Variants in KSR2 observed in about 807,000 individuals in gnomAD.
KSR2 encodes kinase suppressor of ras 2.
In KSR2, 25 loss-of-function variants were observed where a neutral mutation model predicts 107.8. The observed-to-expected ratio is 0.23, with a 90% CI of 0.17 to 0.32. The LOEUF is 0.32. Among genes scored for constraint, KSR2 ranks in the 10% least tolerant of loss-of-function variants. KSR2 has a pLI of 1.00. For missense variants in KSR2, 887 were observed against 1,268.9 expected, an observed-to-expected ratio of 0.70 and a Z score of 4.57; for synonymous variants, 480 against 507.0, an observed-to-expected ratio of 0.95 and a Z score of 0.71.
At chr12:117,551,341 C>T (rs552817064) in intron 9 of KSR2, among the ~76,000 whole-genome samples, 9 of 152,164 alleles carry the variant, frequency 5.9e-5, no homozygotes, top group Admixed American at 3.9e-4. Context: ...TCTCTGTCTT[C>T]TTCATCATCA....
intron 3 of KSR2, among the ~76,000 whole-genome samples, chr12:117,778,758 G>A (rs1427010591): frequency 6.6e-6 from 1 of 152,188 alleles, no homozygotes; most frequent in Non-Finnish European, 1.5e-5. Context: ...GCTTGCACAA[G>A]AGAGTCCACA....
At chr12:117,899,196 A>C (rs1894607124) in intron 1 of KSR2, among the ~76,000 whole-genome samples, 1 of 152,188 alleles carries the variant, frequency 6.6e-6, no homozygotes, top group South Asian at 2.1e-4. Flanking sequence ...ATAAAGGCCT[A>C]TGACAAGTTA....
At chr12:117,658,805 C>T (rs530086945) in intron 5 of KSR2, among the ~76,000 whole-genome samples, 5 of 152,184 alleles carry the variant, frequency 3.3e-5, no homozygotes, top group Admixed American at 1.3e-4. Context: ...CCCCCTGCAG[C>T]GCTACCACTT....
At chr12:117,663,225 A>G (rs1884513955) in intron 5 of KSR2, among the ~76,000 whole-genome samples, 1 of 152,230 alleles carries the variant, frequency 6.6e-6, no homozygotes, top group Non-Finnish European at 1.5e-5. Context: ...CAATTTCACA[A>G]CCGAGCACTG....
At chr12:117,515,663 C>T (rs1037518446) in intron 14 of KSR2, among the ~76,000 whole-genome samples, 2 of 152,198 alleles carry the variant, frequency 1.3e-5, no homozygotes, top group East Asian at 1.9e-4. Flanking sequence ...CGGTGGCTCA[C>T]GCCTGTAATC....
At chr12:117,717,955 A>G (rs535145320) in intron 4 of KSR2, among the ~76,000 whole-genome samples, 1 of 152,320 alleles carries the variant, frequency 6.6e-6, no homozygotes, top group South Asian at 2.1e-4. Context: ...GAGAAAGCAA[A>G]GCTACCAAGG....
intron 5 of KSR2, among the ~76,000 whole-genome samples, chr12:117,663,930 T>G (rs2136473220): frequency 6.6e-6 from 1 of 152,260 alleles, no homozygotes; most frequent in South Asian, 2.1e-4. Flanking sequence ...CCCACCCAAA[T>G]GCAACACAGA....
intron 5 of KSR2, among the ~76,000 whole-genome samples, chr12:117,654,234 A>T (rs773720525): frequency 6.6e-6 from 1 of 152,228 alleles, no homozygotes; most frequent in Non-Finnish European, 1.5e-5. Flanking sequence ...GCAGCATTTC[A>T]TCATCAAATG....
rs539392601 is a variant in KSR2, at chr12:117,615,201, T to C, written c.1172-32842A>G. On this transcript the variant is annotated intron_variant, in intron 5 of 19. Coordinates refer to ENST00000339824, the MANE Select transcript of KSR2 (RefSeq NM_173598.6). Reference sequence around the variant, plus strand: ...CAGAGTCCTGAGGAAGCATGTTCCCTTCTCTCTTCAGTTACACACACACAC... The same window carrying C: ...CAGAGTCCTGAGGAAGCATGTTCCCCTCTCTCTTCAGTTACACACACACAC... 1.4e-4 allele frequency among the ~76,000 whole-genome samples: 21 copies of C among 149,654 alleles called. No homozygotes were observed. In the South Asian group the frequency reaches 4.5e-3, roughly 32 times the overall value.
intron 1 of KSR2, among the ~76,000 whole-genome samples, chr12:117,902,333 C>A (rs1894710590): frequency 6.6e-6 from 1 of 151,698 alleles, no homozygotes; most frequent in Admixed American, 6.6e-5. Flanking sequence ...TGGCGCGTGT[C>A]AATAATCCCA....
chr12:117,593,218 C>G (rs997525253), intron 5 of KSR2, among the ~76,000 whole-genome samples: 8 of 152,172 alleles, frequency 5.3e-5, no homozygotes, highest in Non-Finnish European at 7.3e-5. Flanking sequence ...CTGCCTGGCT[C>G]GGACTTAAAC....
At chr12:117,941,530 C>T (rs1896005789) in intron 1 of KSR2, among the ~76,000 whole-genome samples, 1 of 148,312 alleles carries the variant, frequency 6.7e-6, no homozygotes, top group Admixed American at 6.8e-5. Flanking sequence ...AATGACTTTA[C>T]ATATTTTTAT....
intron 5 of KSR2, among the ~76,000 whole-genome samples, chr12:117,651,238 T>C (rs1883893289): frequency 6.6e-6 from 1 of 152,224 alleles, no homozygotes; most frequent in African/African-American, 2.4e-5. Flanking sequence ...GCAACAGTGA[T>C]GGCCTCCTCT....
chr12:117,924,524 A>G (rs1895445773), intron 1 of KSR2, among the ~76,000 whole-genome samples: 1 of 138,004 alleles, frequency 7.2e-6, no homozygotes, highest in African/African-American at 2.7e-5. Flanking sequence ...GTGAGCTGAG[A>G]TCGTGTCATT....
intron 5 of KSR2, among the ~76,000 whole-genome samples, chr12:117,628,677 GCAGT>G (rs1165324991): frequency 6.6e-6 from 1 of 152,230 alleles, no homozygotes; most frequent in East Asian, 1.9e-4. Context: ...ACTTGAGGAG[GCAGT>G]CTGTCTGTTC....
intron 3 of KSR2, among the ~76,000 whole-genome samples, chr12:117,836,024 T>C (rs937279282): frequency 6.6e-6 from 1 of 152,172 alleles, no homozygotes; most frequent in Non-Finnish European, 1.5e-5. Context: ...CCCTTTAGTC[T>C]AGAAACTTGC....
intron 3 of KSR2, among the ~76,000 whole-genome samples, chr12:117,836,049 T>C (rs2137135468): frequency 6.6e-6 from 1 of 151,894 alleles, no homozygotes; most frequent in South Asian, 2.1e-4. Context: ...TCTTGGGGAG[T>C]AAAAATATTT....
chr12:117,851,444 G>A (rs933406617), intron 3 of KSR2, among the ~76,000 whole-genome samples: 1 of 152,110 alleles, frequency 6.6e-6, no homozygotes, highest in African/African-American at 2.4e-5. Flanking sequence ...TTAGACAGGT[G>A]TGGTGGTATG....
chr12:117,508,983 G>A (rs1873869812), intron 14 of KSR2, among the ~76,000 whole-genome samples: 1 of 151,766 alleles, frequency 6.6e-6, no homozygotes, highest in Admixed American at 6.6e-5. Context: ...TTGAATAGAT[G>A]GATGGTTCAG....
Sources: gnomAD v4.1 joint callset for allele counts (sites outside exome capture counted in the v4.1 genomes callset) on GRCh38, gnomAD v4.1.1 for gene constraint, MANE v1.5 for transcripts, NCBI Gene and HGNC (gene_info 2026-07-23, HGNC 2026-07-21) for gene names.